Variants in ALOX5 observed in about 807,000 individuals in gnomAD.
ALOX5 encodes the protein polyunsaturated fatty acid 5-lipoxygenase.
ALOX5 carries 64 observed loss-of-function variants against 87.9 expected under a neutral mutation model. The observed-to-expected ratio is 0.73, with a 90% CI of 0.60 to 0.90. The LOEUF is 0.90. Ranked by LOEUF, ALOX5 falls within the 40% of genes least tolerant of loss-of-function variation. ALOX5 has a pLI of 0.00. For missense variants in ALOX5, 822 were observed against 907.5 expected (o/e 0.91, Z 1.21); for synonymous variants, 388 against 355.1 (o/e 1.09, Z -1.04).
At chr10:45,382,440 T>C in intron 1 of ALOX5, 43 bp from the exon 2 acceptor site, 6 of 1,609,116 alleles carry the variant, frequency 3.7e-6, no homozygotes, top group Non-Finnish European at 5.1e-6. Context: ...GAACAAAGGC[T>C]CAGGAGACCA....
At position 45,391,961 on chromosome 10, in the gene ALOX5, G is replaced by A. The variant is rs369208801; in HGVS notation, c.350-3894G>A. Reference sequence around the variant, plus strand: ...TGGGAAGTGAGGAGCGTCTCCGCCCGGCAGCCACCCTGTCCGGGAGGGAGG... The same window carrying A: ...TGGGAAGTGAGGAGCGTCTCCGCCCAGCAGCCACCCTGTCCGGGAGGGAGG... On this transcript the variant is annotated intron_variant, in intron 2 of 13. Coordinates refer to ENST00000374391, the MANE Select transcript of ALOX5 (RefSeq NM_000698.5). Among the ~76,000 whole-genome samples the A allele has an allele frequency of 3.6e-4, 54 of 151,668 alleles. No homozygotes were observed. The East Asian group carries it at 5.5e-3, about 15-fold the overall frequency.
chr10:45,410,584 A>C lies in ALOX5; in HGVS notation c.432-1607A>C, dbSNP rs538825324. On this transcript the variant is annotated intron_variant, in intron 3 of 13. Coordinates refer to ENST00000374391, the MANE Select transcript of ALOX5 (RefSeq NM_000698.5). Reference sequence around the variant, plus strand: ...ACACTGTGACAGTTGGGATTTGGGGAAAGTCAAAGCACAAGATCATATTAA... The same window carrying C: ...ACACTGTGACAGTTGGGATTTGGGGCAAGTCAAAGCACAAGATCATATTAA... 1.5e-4 allele frequency among the ~76,000 whole-genome samples: 23 copies of C among 152,316 alleles called. No individual in the cohort carries two copies. In the South Asian group the frequency reaches 4.6e-3, roughly 30 times the overall value.
chr10:45,415,244 A>G (rs2132770478), intron 4 of ALOX5, among the ~76,000 whole-genome samples: 1 of 152,380 alleles, frequency 6.6e-6, no homozygotes, highest in African/African-American at 2.4e-5. Context: ...ACTATGGAAT[A>G]CTATGCAGCC....
chr10:45,414,392 A>C (rs1444328036), intron 4 of ALOX5, among the ~76,000 whole-genome samples: 2 of 152,204 alleles, frequency 1.3e-5, no homozygotes, highest in East Asian at 1.9e-4. Context: ...CATATGTAGA[A>C]AGCTGAAGCT....
At chr10:45,444,089 C>T (rs1478624049) in intron 12 of ALOX5, 27 bp from the exon 13 acceptor site, 1 of 1,509,826 alleles carries the variant, frequency 6.6e-7, no homozygotes, top group East Asian at 2.5e-5. Flanking sequence ...CGGGGGTGCC[C>T]ACGCTTGCTG....
In ALOX5 at chr10:45,440,493, C is replaced by CTT. The variant is rs1842194820; in HGVS notation, c.1048_1049dup (p.Leu350PhefsTer53). 1 of 1,614,110 alleles carries CTT rather than the reference C, an allele frequency of 6.2e-7. No individual in the cohort carries two copies. ...CCCTTCGGATGCAAAATACGACTGG[C>CTT]TTTTGGCCAAAATCTGGGTGCGTTC... On this transcript the variant is annotated frameshift_variant, in exon 8 of 14. Transcript: ENST00000374391. LOFTEE classifies it high-confidence loss of function.
intron 2 of ALOX5, among the ~76,000 whole-genome samples, chr10:45,391,355 G>A (rs947005529): frequency 3.3e-5 from 5 of 152,062 alleles, no homozygotes; most frequent in Non-Finnish European, 5.9e-5. Context: ...TCGGCCTCCC[G>A]AGGTGCCGGG....
chr10:45,394,500 C>T (rs2132713594), intron 2 of ALOX5, among the ~76,000 whole-genome samples: 1 of 152,330 alleles, frequency 6.6e-6, no homozygotes, highest in East Asian at 1.9e-4. Context: ...ACCATCAAAA[C>T]CCTAGAGGAA....
chr10:45,382,056 C>G (rs1564410011), intron 1 of ALOX5, among the ~76,000 whole-genome samples: 2 of 152,148 alleles, frequency 1.3e-5, no homozygotes, highest in Non-Finnish European at 2.9e-5. Flanking sequence ...ATGAAGACCC[C>G]AAGAAGCAGT....
chr10:45,430,200 G>A (rs1436200591), intron 7 of ALOX5, among the ~76,000 whole-genome samples: 1 of 152,202 alleles, frequency 6.6e-6, no homozygotes, highest in South Asian at 2.1e-4. Flanking sequence ...GGAGTCAGGG[G>A]CCTAGCTTAA....
intron 6 of ALOX5, among the ~76,000 whole-genome samples, chr10:45,427,446 T>G (rs1019006233): frequency 6.6e-6 from 1 of 152,068 alleles, no homozygotes; most frequent in African/African-American, 2.4e-5. Context: ...TGCTCAGAGC[T>G]CATCCCTGGT....
At chr10:45,386,352 A>C (rs771022715) in intron 2 of ALOX5, among the ~76,000 whole-genome samples, 3 of 151,806 alleles carry the variant, frequency 2.0e-5, no homozygotes, top group African/African-American at 7.3e-5. Flanking sequence ...TATAGTCCCA[A>C]CTACTTAGGA....
chr10:45,423,193 A>G (rs901074247), intron 4 of ALOX5, among the ~76,000 whole-genome samples: 1 of 152,232 alleles, frequency 6.6e-6, no homozygotes, highest in African/African-American at 2.4e-5. Flanking sequence ...GCAAAGGCCC[A>G]AGGCAAAGGC....
At position 45,434,536 on chromosome 10, in the gene ALOX5, T is replaced by C. The variant is rs551024323; in HGVS notation, c.981+5772T>C. 5.9e-5 allele frequency among the ~76,000 whole-genome samples: 9 copies of C among 152,074 alleles called. No homozygotes were observed. The East Asian group carries it at 1.7e-3, about 29-fold the overall frequency. On this transcript the variant is annotated intron_variant, in intron 7 of 13. Transcript: ENST00000374391. ...TTCCCTTCCAGCTGACCTGGAGGGG[T>C]CTCCACAATGAGTTAACAGTGGAAA...
At chr10:45,415,474 T>C (rs1203171357) in intron 4 of ALOX5, among the ~76,000 whole-genome samples, 4 of 152,018 alleles carry the variant, frequency 2.6e-5, no homozygotes, top group Admixed American at 2.6e-4. Flanking sequence ...TTAGGAGATA[T>C]ACCTAATTAG....
rs1211658127 is a variant in ALOX5 at position 45,444,265 on chromosome 10, G to C, written c.1824G>C (p.Leu608=). The part of the protein sequence containing the change: ...SCWHLGAVWA[L]SQFQENELFL... ...GGCATCTGGGTGCAGTGTGGGCGCT[G>C]AGCCAGTTCCAGGAAAACGAGGTGA... Residue 608 remains leucine, a synonymous_variant, in exon 13 of 14, where the codon CTG becomes CTC. Coordinates refer to ENST00000374391, the MANE Select transcript of ALOX5 (RefSeq NM_000698.5). 3 of 1,554,712 alleles carry C rather than the reference G, an allele frequency of 1.9e-6. No homozygotes were observed. The highest frequency in any genetic ancestry group is 2.6e-6 in the Non-Finnish European group (3 of 1,149,112).
rs180711602 is a variant in ALOX5 at position 45,432,508 on chromosome 10, A to G, written c.981+3744A>G. Among the ~76,000 whole-genome samples, 465 of 152,346 alleles carry G rather than the reference A, an allele frequency of 3.1e-3. 1 individual carries two copies. Among genetic ancestry groups the G allele is most frequent in the Non-Finnish European group, 5.3e-3 (359 of 68,042 alleles). Reference sequence around the variant, plus strand: ...AAGATCCAGAAATGGACTCCCCCACAGAGGAATTCAGTGTATCACAATGGA... The same window carrying G: ...AAGATCCAGAAATGGACTCCCCCACGGAGGAATTCAGTGTATCACAATGGA... On this transcript the variant is annotated intron_variant, in intron 7 of 13. Transcript: ENST00000374391.
At chr10:45,388,150 G>C (rs967536467) in intron 2 of ALOX5, among the ~76,000 whole-genome samples, 5 of 152,192 alleles carry the variant, frequency 3.3e-5, no homozygotes, top group Admixed American at 3.3e-4. Flanking sequence ...CCCATGTCTG[G>C]CTCGGAGGGT....
chr10:45,404,985 C>T (rs1247516335), intron 3 of ALOX5, among the ~76,000 whole-genome samples: 1 of 152,126 alleles, frequency 6.6e-6, no homozygotes, highest in Non-Finnish European at 1.5e-5. Context: ...ATATATTTTC[C>T]CCTTCTTAAA....
Sources: gnomAD v4.1 joint callset for allele counts (sites outside exome capture counted in the v4.1 genomes callset) on GRCh38, gnomAD v4.1.1 for gene constraint, MANE v1.5 for transcripts, NCBI Gene and HGNC (gene_info 2026-07-23, HGNC 2026-07-21) for gene names.